Variants in RHBDD1 observed in about 807,000 individuals in gnomAD.
RHBDD1 encodes rhomboid-related protein 4.
A neutral mutation model predicts 36.3 loss-of-function variants in RHBDD1; 38 were observed. The observed-to-expected ratio is 1.05, with a 90% CI of 0.81 to 1.37. The LOEUF (loss-of-function observed/expected upper bound fraction) is 1.37. RHBDD1 is among the 40% of genes most tolerant of loss of function. RHBDD1 has a pLI of 0.00. For missense variants in RHBDD1, 393 were observed against 377.6 expected, an observed-to-expected ratio of 1.04 and a Z score of -0.34; for synonymous variants, 151 against 136.5, an observed-to-expected ratio of 1.11 and a Z score of -0.74.
intron 8 of RHBDD1, among the ~76,000 whole-genome samples, chr2:226,978,246 A>C (rs550025487): frequency 6.6e-6 from 1 of 152,184 alleles, no homozygotes; most frequent in African/African-American, 2.4e-5. Context: ...TTAAAATTCA[A>C]ATATTCAATT....
the RHBDD1 span, among the ~76,000 whole-genome samples, chr2:226,818,468 G>C: frequency 2.0e-5 from 3 of 151,014 alleles, no homozygotes; most frequent in Non-Finnish European, 4.4e-5. Flanking sequence ...ACCCAGCTCA[G>C]TATTTTTTAA....
At chr2:226,882,412 A>G (rs1945824063) in intron 5 of RHBDD1, among the ~76,000 whole-genome samples, 1 of 146,294 alleles carries the variant, frequency 6.8e-6, no homozygotes, top group Non-Finnish European at 1.5e-5. Context: ...CCTGGGCAAC[A>G]AGAGTGAGAC....
intron 5 of RHBDD1, among the ~76,000 whole-genome samples, chr2:226,893,551 T>G (rs1281315093): frequency 6.6e-6 from 1 of 152,194 alleles, no homozygotes; most frequent in East Asian, 1.9e-4. Context: ...TCCTTGGAAT[T>G]TTTGCATAGT....
intron 8 of RHBDD1, among the ~76,000 whole-genome samples, chr2:226,938,594 G>C (rs1042959761): frequency 6.6e-6 from 1 of 152,046 alleles, no homozygotes; most frequent in African/African-American, 2.4e-5. Context: ...TCCCTGAAGA[G>C]ACCAATAACA....
intron 8 of RHBDD1, among the ~76,000 whole-genome samples, chr2:226,966,936 G>A (rs1446382690): frequency 6.6e-6 from 1 of 151,920 alleles, no homozygotes; most frequent in Non-Finnish European, 1.5e-5. Context: ...GTGAGACCCG[G>A]GATTATGTGT....
intron 8 of RHBDD1, among the ~76,000 whole-genome samples, chr2:226,930,475 C>T (rs918242533): frequency 6.6e-6 from 1 of 151,874 alleles, no homozygotes; most frequent in Non-Finnish European, 1.5e-5. Context: ...CCCTATCTCT[C>T]ACCATATAAA....
intron 5 of RHBDD1, among the ~76,000 whole-genome samples, chr2:226,904,659 T>C (rs1271590054): frequency 1.3e-5 from 2 of 152,202 alleles, no homozygotes; most frequent in Non-Finnish European, 2.9e-5. Context: ...CTCCTGTTTG[T>C]CTCTTTCTTT....
chr2:226,881,792 T>C (rs1945761073), intron 5 of RHBDD1, among the ~76,000 whole-genome samples: 2 of 152,252 alleles, frequency 1.3e-5, no homozygotes. Context: ...ACAAAAATTA[T>C]TCCACTGCTG....
rs866696638 is a variant in RHBDD1 at position 226,995,428 on chromosome 2, C to T, written c.857-3C>T. ...GATTTTTCCTTTGGCTTTCTCACTA[C>T]AGGAAATACCAGAAATAGCCCACCA... is the stretch of plus-strand genomic sequence containing the variant. On this transcript the variant is annotated splice_region_variant and splice_polypyrimidine_tract_variant and intron_variant, in intron 8 of 8. Transcript: ENST00000392062. 8.1e-6 allele frequency: 13 copies of T among 1,596,516 alleles called. No homozygotes were observed. In the Middle Eastern group the frequency reaches 8.3e-4, roughly 102 times the overall value.
chr2:226,954,078 G>A (rs1357820463), intron 8 of RHBDD1, among the ~76,000 whole-genome samples: 4 of 152,134 alleles, frequency 2.6e-5, no homozygotes, highest in Non-Finnish European at 5.9e-5. Flanking sequence ...ACTGTTGATC[G>A]AATACCTGCC....
chr2:226,808,066 G>A, the RHBDD1 span, among the ~76,000 whole-genome samples: 1 of 152,152 alleles, frequency 6.6e-6, no homozygotes, highest in South Asian at 2.1e-4. Flanking sequence ...CTGTTGGGGG[G>A]AGGACAGGGG....
chr2:226,883,812 A>G (rs372138273), intron 5 of RHBDD1, among the ~76,000 whole-genome samples: 1 of 152,248 alleles, frequency 6.6e-6, no homozygotes, highest in African/African-American at 2.4e-5. Flanking sequence ...GATAATCAAT[A>G]AATGGATCTA....
chr2:226,844,960 A>G (rs1478701474), intron 3 of RHBDD1, among the ~76,000 whole-genome samples: 2 of 152,140 alleles, frequency 1.3e-5, no homozygotes, highest in African/African-American at 2.4e-5. Context: ...AATCATTTTC[A>G]TTTATACTAT....
chr2:226,936,979 C>T (rs1216707363), intron 8 of RHBDD1, among the ~76,000 whole-genome samples: 3 of 152,086 alleles, frequency 2.0e-5, no homozygotes, highest in Non-Finnish European at 4.4e-5. Flanking sequence ...ACATTCTCTA[C>T]TTCAGCAACC....
intron 8 of RHBDD1, among the ~76,000 whole-genome samples, chr2:226,934,770 A>G (rs1950233440): frequency 6.6e-6 from 1 of 152,082 alleles, no homozygotes; most frequent in African/African-American, 2.4e-5. Flanking sequence ...TTTGAGTCAA[A>G]AGGCAGATGC....
At chr2:226,872,373 C>T (rs1944865691) in intron 5 of RHBDD1, among the ~76,000 whole-genome samples, 3 of 152,294 alleles carry the variant, frequency 2.0e-5, no homozygotes, top group Admixed American at 1.3e-4. Context: ...GGTTTTGCTG[C>T]ATGCTTTCTG....
chr2:226,898,782 C>T (rs1947342147), intron 5 of RHBDD1, among the ~76,000 whole-genome samples: 2 of 152,306 alleles, frequency 1.3e-5, no homozygotes, highest in South Asian at 2.1e-4. Context: ...ATCCCCAAAC[C>T]CCAGAGCTTC....
Position 226,853,621 on chromosome 2 carries a change from A to C in RHBDD1, c.-90-10983A>C, listed in dbSNP as rs766396172. On this transcript the variant is annotated intron_variant, in intron 3 of 8. Transcript: ENST00000392062. ...TTTCTTTATCTGTGTAATAAAGTGG[A>C]ATTTCTGTCTGTCTTTCATGGTTTC... Among the ~76,000 whole-genome samples the C allele has an allele frequency of 1.0e-3, 156 of 152,160 alleles. 2 individuals carry two copies. Among genetic ancestry groups the C allele is most frequent in the Non-Finnish European group, 2.9e-4 (20 of 68,024 alleles).
At chr2:226,926,223 TAAAAAAAA>T (rs35951338) in intron 8 of RHBDD1, among the ~76,000 whole-genome samples, 2 of 126,716 alleles carry the variant, frequency 1.6e-5, no homozygotes, top group Admixed American at 7.9e-5. Context: ...ACTAAGTAAA[TAAAAAAAA>T]AAAAAAAATA....
Sources: gnomAD v4.1 joint callset for allele counts (sites outside exome capture counted in the v4.1 genomes callset) on GRCh38, gnomAD v4.1.1 for gene constraint, MANE v1.5 for transcripts, NCBI Gene and HGNC (gene_info 2026-07-23, HGNC 2026-07-21) for gene names.